Variants in ARL15 observed in about 807,000 individuals in gnomAD.
The protein encoded by ARL15 is ADP-ribosylation factor-like protein 15.
ARL15 carries 19 observed loss-of-function variants against 25.2 expected under a neutral mutation model. The observed-to-expected ratio is 0.75, with a 90% confidence interval of 0.53 to 1.10. The LOEUF (loss-of-function observed/expected upper bound fraction) is 1.10, where lower values mean the gene tolerates loss of function less well. ARL15 is among the 50% of genes least tolerant of loss of function. The pLI is 0.00. For missense variants in ARL15, 220 were observed against 246.0 expected (o/e 0.89, Z 0.71); for synonymous variants, 94 against 86.8 (o/e 1.08, Z -0.46).
At chr5:54,066,257 T>C (rs1302520502) in intron 4 of ARL15, among the ~76,000 whole-genome samples, 2 of 151,774 alleles carry the variant, frequency 1.3e-5, no homozygotes, top group Non-Finnish European at 2.9e-5. Flanking sequence ...ACAGAAAAGG[T>C]AGGAAAAGAA....
chr5:54,279,814 T>C (rs1758009314), intron 1 of ARL15, among the ~76,000 whole-genome samples: 1 of 152,192 alleles, frequency 6.6e-6, no homozygotes. Context: ...GCAGTTCCAA[T>C]ATTCCCAAGT....
At chr5:54,141,332 G>A (rs552876113) in intron 3 of ARL15, among the ~76,000 whole-genome samples, 1 of 151,348 alleles carries the variant, frequency 6.6e-6, no homozygotes, top group African/African-American at 2.4e-5. Context: ...AGAAACTGAC[G>A]GTTTTCTTTC....
chr5:53,935,385 GA>G (rs1561156255), intron 4 of ARL15, among the ~76,000 whole-genome samples: 1 of 152,162 alleles, frequency 6.6e-6, no homozygotes, highest in African/African-American at 2.4e-5. Context: ...AAAATAAACA[GA>G]ATACTATTCA....
At chr5:54,017,161 T>TC (rs1328833223) in intron 4 of ARL15, among the ~76,000 whole-genome samples, 2 of 152,188 alleles carry the variant, frequency 1.3e-5, no homozygotes, top group East Asian at 3.9e-4. Flanking sequence ...TATGGAATCT[T>TC]CATCAGTATA....
At chr5:53,970,003 A>G (rs1747683726) in intron 4 of ARL15, among the ~76,000 whole-genome samples, 1 of 152,216 alleles carries the variant, frequency 6.6e-6, no homozygotes, top group South Asian at 2.1e-4. Context: ...CATGCTGGAT[A>G]AAAGGGAGAA....
At chr5:54,166,634 G>A (rs1416992481) in intron 2 of ARL15, among the ~76,000 whole-genome samples, 2 of 151,948 alleles carry the variant, frequency 1.3e-5, no homozygotes, top group African/African-American at 4.8e-5. Context: ...CACCTTCATG[G>A]ACTCAAATTA....
At chr5:54,100,495 G>A (rs1478702926) in intron 4 of ARL15, among the ~76,000 whole-genome samples, 2 of 151,714 alleles carry the variant, frequency 1.3e-5, no homozygotes, top group Admixed American at 6.6e-5. Flanking sequence ...TAATAAACAC[G>A]GTATGACTGC....
intron 4 of ARL15, among the ~76,000 whole-genome samples, chr5:53,939,110 T>A (rs1345490461): frequency 6.6e-6 from 1 of 152,190 alleles, no homozygotes; most frequent in Non-Finnish European, 1.5e-5. Flanking sequence ...AAATTAAACA[T>A]ATTTCAAGCA....
intron 4 of ARL15, among the ~76,000 whole-genome samples, chr5:54,110,389 T>TGCACATTTTC (rs1752705649): frequency 6.6e-6 from 1 of 152,066 alleles, no homozygotes; most frequent in South Asian, 2.1e-4. Flanking sequence ...GATAAATTAT[T>TGCACATTTTC]GCACATTTTC....
chr5:54,035,102 T>TAAA (rs5867912), intron 4 of ARL15, among the ~76,000 whole-genome samples: 2 of 151,430 alleles, frequency 1.3e-5, no homozygotes, highest in South Asian at 4.2e-4. Flanking sequence ...ATAGGTTAAT[T>TAAA]AAAAAAAAAC....
chr5:54,232,451 A>C (rs151040022), intron 1 of ARL15, among the ~76,000 whole-genome samples: 66 of 152,318 alleles, frequency 4.3e-4, no homozygotes, highest in African/African-American at 1.4e-3. Flanking sequence ...TATCTATGGA[A>C]AAAAGTTTCC....
chr5:54,298,620 A>G lies in ARL15; in HGVS notation c.48+11812T>C, dbSNP rs114284547. ...TGTCTCATAAAACATTCATTGGAGCAGCATCATTTCCTCATTCCCCACTCC... is the reference window on the plus strand; with the variant it reads ...TGTCTCATAAAACATTCATTGGAGCGGCATCATTTCCTCATTCCCCACTCC... On this transcript the variant is annotated intron_variant, in intron 1 of 4. Transcript: ENST00000504924. 8.5e-4 allele frequency among the ~76,000 whole-genome samples: 130 copies of G among 152,082 alleles called. 1 individual carries two copies. Among genetic ancestry groups the G allele is most frequent in the African/African-American group, 3.1e-3 (129 of 41,482 alleles).
chr5:54,043,199 A>G (rs1405197487), intron 4 of ARL15, among the ~76,000 whole-genome samples: 3 of 89,298 alleles, frequency 3.4e-5, no homozygotes, highest in Admixed American at 3.0e-4. Flanking sequence ...CATTCTACAC[A>G]TGCCTCTTTT....
chr5:54,230,346 G>GAAAAAAAAAAAAAAAAAAAAA (rs137882615), intron 1 of ARL15, among the ~76,000 whole-genome samples: 7 of 91,854 alleles, frequency 7.6e-5, no homozygotes, highest in Non-Finnish European at 1.2e-4. Flanking sequence ...TTCCATCTCA[G>GAAAAAAAAAAAAAAAAAAAAA]AAAAAAAAAA....
chr5:54,243,388 T>C (rs1757006843), intron 1 of ARL15, among the ~76,000 whole-genome samples: 1 of 152,210 alleles, frequency 6.6e-6, no homozygotes, highest in African/African-American at 2.4e-5. Flanking sequence ...TTATCCGCCC[T>C]TTGTATTCTC....
intron 4 of ARL15, among the ~76,000 whole-genome samples, chr5:53,998,082 A>T (rs955968871): frequency 6.6e-6 from 1 of 152,062 alleles, no homozygotes; most frequent in African/African-American, 2.4e-5. Flanking sequence ...CTAGCTGCTA[A>T]GCCACTTAAC....
intron 3 of ARL15, among the ~76,000 whole-genome samples, chr5:54,148,431 T>G (rs535177410): frequency 6.6e-6 from 1 of 152,306 alleles, no homozygotes; most frequent in Non-Finnish European, 1.5e-5. Flanking sequence ...ACAAAAATCA[T>G]TCAATCACTA....
rs74569089 is a variant in ARL15 at position 54,242,124 on chromosome 5, C to T, written c.48+68308G>A. Among the ~76,000 whole-genome samples the T allele has an allele frequency of 2.5e-3, 375 of 152,204 alleles. 1 individual carries two copies. The highest frequency in any genetic ancestry group is 8.6e-3 in the African/African-American group (356 of 41,524). On this transcript the variant is annotated intron_variant, in intron 1 of 4. Coordinates refer to ENST00000504924, the MANE Select transcript of ARL15 (RefSeq NM_019087.3). ...TGCCTCCTGAGGGACCTATGTGCCC[C>T]TCTTCTTCTCCTGCATCACTTTTAA...
chr5:54,136,153 T>C (rs2112293558), intron 3 of ARL15, among the ~76,000 whole-genome samples: 1 of 152,324 alleles, frequency 6.6e-6, no homozygotes, highest in Non-Finnish European at 1.5e-5. Flanking sequence ...TCTCTTTGTA[T>C]ACTGACTCCC....
Sources: allele counts gnomAD v4.1 joint callset (sites outside exome capture counted in the v4.1 genomes callset), GRCh38; gene constraint gnomAD v4.1.1; transcripts MANE v1.5; gene names NCBI Gene and HGNC (gene_info 2026-07-23, HGNC 2026-07-21).